Variants in DNAH14 observed in about 807,000 individuals in gnomAD.
DNAH14 encodes dynein axonemal heavy chain 14.
In DNAH14, 478 loss-of-function variants were observed where a neutral mutation model predicts 520.9. The ratio of observed to expected loss-of-function variants is 0.92; its 90% CI spans 0.85 to 0.99. DNAH14 has a LOEUF of 0.99. Among genes scored for constraint, DNAH14 ranks in the 50% least tolerant of loss-of-function variants. DNAH14 has a pLI of 0.00. For missense variants in DNAH14, 4,831 were observed against 5,234.5 expected, an observed-to-expected ratio of 0.92 and a Z score of 2.38; for synonymous variants, 1,581 against 1,757.2, an observed-to-expected ratio of 0.90 and a Z score of 2.51.
intron 52 of DNAH14, among the ~76,000 whole-genome samples, chr1:225,274,400 G>T (rs1041607305): frequency 1.3e-5 from 2 of 151,374 alleles, no homozygotes; most frequent in Admixed American, 6.6e-5. Flanking sequence ...TAGAGACGGG[G>T]TTTCACCGTG....
intron 10 of DNAH14, among the ~76,000 whole-genome samples, chr1:225,010,286 TGA>T (rs2064600409): frequency 6.6e-6 from 1 of 152,198 alleles, no homozygotes; most frequent in Non-Finnish European, 1.5e-5. Flanking sequence ...CCTAGTTTAT[TGA>T]GAGTTTTTAG....
chr1:225,048,787 GT>G (rs1254949284), intron 15 of DNAH14, among the ~76,000 whole-genome samples: 1 of 152,074 alleles, frequency 6.6e-6, no homozygotes, highest in Non-Finnish European at 1.5e-5. Context: ...TGGCCAGACT[GT>G]TTTGCAAAGT....
chr1:225,290,653 A>ATATATATATATATGTG (rs2093859392), intron 55 of DNAH14, among the ~76,000 whole-genome samples: 1 of 32,536 alleles, frequency 3.1e-5, no homozygotes, highest in African/African-American at 1.4e-4. Flanking sequence ...GTGTGTATAT[A>ATATATATATATATGTG]TATATATATA....
chr1:225,346,055 A>G lies in DNAH14; in HGVS notation c.10772A>G (p.Lys3591Arg). The G allele has an allele frequency of 6.4e-7, 1 of 1,551,724 alleles. No individual in the cohort carries two copies. The highest frequency in any genetic ancestry group is 8.7e-7 in the Non-Finnish European group (1 of 1,146,984). Residue 3591 changes from lysine (K) to arginine (R), a missense_variant, in exon 70 of 86, where the codon AAA becomes AGA. Lys to Arg is a conservative substitution (Grantham distance 26). Transcript: ENST00000682510. ...TCAAAGCGCATCGAAGCAACAAAAA[A>G]AGCTGAAAGTGAAATCCAAGCAATA... ...EISKRIEATK[K>R]AESEIQAIRK...
intron 76 of DNAH14, among the ~76,000 whole-genome samples, chr1:225,365,835 G>T (rs542024967): frequency 3.9e-5 from 6 of 152,238 alleles, no homozygotes; most frequent in Admixed American, 6.5e-5. Flanking sequence ...CAGAAATAGC[G>T]CTTCAGGGAA....
chr1:225,304,989 A>T lies in DNAH14; in HGVS notation c.8905A>T (p.Thr2969Ser). Residue 2969 changes from threonine (T) to serine (S), a missense_variant, in exon 58 of 86, where the codon ACT becomes TCT. Thr to Ser is a moderately conservative substitution (Grantham distance 58). Transcript: ENST00000682510. ...CTTGAACAGAAAATACTTTGAAGAA[A>T]CTGGAAGATTTTATTATACCACTCC... ...KDLNRKYFEE[T>S]GRFYYTTPNS... 6.5e-7 allele frequency: 1 copy of T among 1,547,210 alleles called. No individual in the cohort carries two copies. Among genetic ancestry groups the T allele is most frequent in the South Asian group, 1.2e-5 (1 of 82,164 alleles).
chr1:225,300,739 TAAA>T (rs539784290), intron 55 of DNAH14, 127 bp from the exon 56 acceptor site: 2 of 798,216 alleles, frequency 2.5e-6, no homozygotes, highest in Non-Finnish European at 3.6e-6. Flanking sequence ...AGATTAGCTT[TAAA>T]AAAAAAAATC....
chr1:224,991,844 T>C (rs1225783901), intron 8 of DNAH14, among the ~76,000 whole-genome samples: 1 of 152,164 alleles, frequency 6.6e-6, no homozygotes, highest in Non-Finnish European at 1.5e-5. Flanking sequence ...TTGTGAATAA[T>C]GCTGCAATGA....
chr1:225,082,646 C>A lies in DNAH14; in HGVS notation c.3234C>A (p.Leu1078=), dbSNP rs945378836. ...TTATAGCTCTGGGAAATCCCTGTCTCAAGCCAAGGCATTGGGAGGCTCTCC... is the reference window on the plus strand; with the variant it reads ...TTATAGCTCTGGGAAATCCCTGTCTAAAGCCAAGGCATTGGGAGGCTCTCC... ...PIIIALGNPC[L]KPRHWEALQE... is the part of the protein sequence containing the mutation. The change falls in exon 20 of 86, where the codon CTC becomes CTA. Residue 1078 remains leucine, a synonymous_variant. Transcript: ENST00000682510. 5.2e-6 allele frequency: 8 copies of A among 1,551,524 alleles called. No homozygotes were observed. The highest frequency in any genetic ancestry group is 1.2e-5 in the South Asian group (1 of 84,048).
intron 1 of DNAH14, among the ~76,000 whole-genome samples, chr1:224,932,110 A>G (rs927645681): frequency 6.6e-6 from 1 of 151,894 alleles, no homozygotes; most frequent in Admixed American, 6.6e-5. Flanking sequence ...ATCCTTACCA[A>G]CATCTGTTAT....
chr1:225,059,563 GTTA>G, intron 17 of DNAH14, among the ~76,000 whole-genome samples: 1 of 152,240 alleles, frequency 6.6e-6, no homozygotes, highest in East Asian at 1.9e-4. Flanking sequence ...ATTCGATCCT[GTTA>G]TTATGATGTT....
chr1:225,391,984 T>C (rs893252073), intron 83 of DNAH14, among the ~76,000 whole-genome samples: 1 of 152,090 alleles, frequency 6.6e-6, no homozygotes, highest in African/African-American at 2.4e-5. Context: ...TCGGCCAAGA[T>C]TGGCTCAGAA....
intron 72 of DNAH14, among the ~76,000 whole-genome samples, chr1:225,352,389 C>T (rs904208801): frequency 1.3e-5 from 2 of 152,140 alleles, no homozygotes. Flanking sequence ...TTCTCTACTT[C>T]ACTTCCTGAT....
At chr1:224,931,766 T>TA (rs1179449358) in intron 1 of DNAH14, among the ~76,000 whole-genome samples, 1 of 152,242 alleles carries the variant, frequency 6.6e-6, no homozygotes, top group Non-Finnish European at 1.5e-5. Context: ...CCATCTATGT[T>TA]ACTGCAAATG....
chr1:225,364,493 C>A (rs1481846374), intron 75 of DNAH14, among the ~76,000 whole-genome samples: 2 of 152,004 alleles, frequency 1.3e-5, no homozygotes, highest in African/African-American at 4.8e-5. Flanking sequence ...ATTCAATTGT[C>A]CCAAATTCAA....
At chr1:225,094,835 A>G (rs1178735395) in intron 21 of DNAH14, among the ~76,000 whole-genome samples, 1 of 144,256 alleles carries the variant, frequency 6.9e-6, no homozygotes, top group Admixed American at 6.9e-5. Flanking sequence ...AAAAAAAAAA[A>G]CAACCCCATT....
At chr1:225,113,579 C>A (rs1405532694) in intron 23 of DNAH14, among the ~76,000 whole-genome samples, 3 of 152,168 alleles carry the variant, frequency 2.0e-5, no homozygotes, top group African/African-American at 7.2e-5. Flanking sequence ...TAGTGAGTTC[C>A]CCCTGGGCCC....
chr1:225,226,301 C>T (rs534817771), intron 41 of DNAH14, among the ~76,000 whole-genome samples: 35 of 152,154 alleles, frequency 2.3e-4, no homozygotes, highest in Non-Finnish European at 3.8e-4. Flanking sequence ...CACTATATAT[C>T]GCTCCACTAT....
rs16844828 is a variant in DNAH14, at chr1:225,389,548, G to T, written c.13191-186G>T. ...AATCTGTTACCTTCCAGCCTTTGTG[G>T]TCCCCTTTTCCCTCATGAGCTTAAA... On this transcript the variant is annotated intron_variant, in intron 82 of 85. Coordinates refer to ENST00000682510, the MANE Select transcript of DNAH14 (RefSeq NM_001367479.1). Among the ~76,000 whole-genome samples the T allele has an allele frequency of 9.8e-3, 1,495 of 152,288 alleles. 14 individuals carry two copies. The highest frequency in any genetic ancestry group is 0.019 in the South Asian group (90 of 4,828).
Sources: allele counts gnomAD v4.1 joint callset (sites outside exome capture counted in the v4.1 genomes callset), GRCh38; gene constraint gnomAD v4.1.1; transcripts MANE v1.5; gene names NCBI Gene and HGNC (gene_info 2026-07-23, HGNC 2026-07-21).